Variants in SYNJ1 observed in about 807,000 individuals in gnomAD.
SYNJ1 encodes polyphosphatidylinositol phosphatase SYNJ1.
SYNJ1 carries 78 observed loss-of-function variants against 168.2 expected under a neutral mutation model. That is an observed-to-expected ratio of 0.46 (90% CI 0.39 to 0.56). The LOEUF is 0.56. Ranked by LOEUF, SYNJ1 falls within the 20% of genes least tolerant of loss-of-function variation. The probability of loss-of-function intolerance (pLI) is 0.00; values close to 1 mark genes in which losing one functional copy is unlikely to be tolerated. For synonymous variants in SYNJ1, 539 were observed against 548.6 expected (o/e 0.98, Z 0.24); for missense variants, 1,303 against 1,597.6 (o/e 0.82, Z 3.14).
chr21:32,662,249 G>A (rs943697253), intron 18 of SYNJ1, among the ~76,000 whole-genome samples: 3 of 152,092 alleles, frequency 2.0e-5, no homozygotes, highest in African/African-American at 7.2e-5. Flanking sequence ...ATCATCGTGG[G>A]ACTCATTTTC....
At chr21:32,646,295 C>T (rs773085803) in intron 24 of SYNJ1, 98 bp downstream of exon 24, 2 of 1,211,394 alleles carry the variant, frequency 1.7e-6, no homozygotes, top group Non-Finnish European at 2.4e-6. Context: ...AAACAGGGTG[C>T]ACTTTATCAC....
chr21:32,641,904 C>G lies in SYNJ1; in HGVS notation c.3580G>C (p.Ala1194Pro), dbSNP rs77164494. Reference protein sequence around the residue: ...AGPGPAGYSTARPTIPPRAGV... With the variant: ...AGPGPAGYSTPRPTIPPRAGV... The stretch of plus-strand genomic sequence containing the variant: ...GGCGAGGTTTTACCTACCGGTCTGG[C>G]TGTACTGTATCCAGCAGGTCCTGGG... The change falls in exon 29 of 33, where the codon GCC becomes CCC. Residue 1194 changes from alanine to proline, a missense_variant. Around this residue, in one of 2 missense-constraint regions of SYNJ1, gnomAD observed 383 missense variants for 388.8 expected, o/e 0.99. Transcript: ENST00000674351. The G allele has an allele frequency of 4.7e-5, 75 of 1,611,810 alleles. No homozygotes were observed. The African/African-American group carries it at 8.0e-4, about 17-fold the overall frequency.
chr21:32,694,242 G>T lies in SYNJ1; in HGVS notation c.775C>A (p.Gln259Lys). Residue 259 changes from glutamine (Q) to lysine (K), a missense_variant, in exon 6 of 33, where the codon CAA (glutamine) becomes AAA (lysine). Physicochemically the swap from Gln to Lys is moderately conservative, Grantham distance 53. Transcript: ENST00000674351. ...IRGSVPLFWEQPGLQVGSHRV... is the reference protein window; with the variant it reads ...IRGSVPLFWEKPGLQVGSHRV... ...CAAACACATACTTGCAACCCTGGTT[G>T]CTCCCAGAACAATGGAACAGATCCT... 2 of 1,537,308 alleles carry T rather than the reference G, an allele frequency of 1.3e-6. No homozygotes were observed. The highest frequency in any genetic ancestry group is 2.1e-5 in the Admixed American group (1 of 46,668).
intron 10 of SYNJ1, 128 bp from the exon 11 acceptor site, chr21:32,681,776 C>T (rs571017462): frequency 1.3e-6 from 1 of 767,936 alleles, no homozygotes; most frequent in Admixed American, 3.3e-5. Context: ...CTTCTGAAAA[C>T]ATAACAGTTT....
intron 1 of SYNJ1, 33 bp from the exon 2 acceptor site, chr21:32,726,950 G>C (rs1161633580): frequency 1.2e-6 from 2 of 1,608,640 alleles, no homozygotes; most frequent in South Asian, 1.1e-5. Context: ...AGCAAATGAA[G>C]CTGATGTTTC....
At chr21:32,713,555 T>G (rs1359893484) in intron 2 of SYNJ1, among the ~76,000 whole-genome samples, 2 of 144,332 alleles carry the variant, frequency 1.4e-5, no homozygotes, top group African/African-American at 5.2e-5. Flanking sequence ...CATAGATGAT[T>G]TCCCATATGT....
chr21:32,634,606 C>T (rs2039480264), intron 32 of SYNJ1, among the ~76,000 whole-genome samples: 1 of 152,112 alleles, frequency 6.6e-6, no homozygotes, highest in Non-Finnish European at 1.5e-5. Flanking sequence ...TGAAGTTACA[C>T]TTTTTAGTTT....
chr21:32,706,143 A>G (rs2042599607), intron 2 of SYNJ1, among the ~76,000 whole-genome samples: 1 of 152,186 alleles, frequency 6.6e-6, no homozygotes, highest in Non-Finnish European at 1.5e-5. Flanking sequence ...GACAGACCCA[A>G]AGTGAGGGAG....
rs1400090159 is a variant in SYNJ1 at position 32,665,974 on chromosome 21, A to C, written c.2114T>G (p.Ile705Arg). ...AAAACTCAATTTTCGTGCTATTTCT[A>C]TAAAATCTTCATTTCTTTCTTTGAC... is the stretch of plus-strand genomic sequence containing the variant. ...SQVKERNEDF[I>R]EIARKLSFPM... Residue 705 changes from isoleucine (I) to arginine (R), a missense_variant, in exon 17 of 33, where the codon ATA becomes AGA. This residue lies in a region of SYNJ1 where 920 missense variants were observed against 1,208.8 expected (regional missense o/e 0.76). Coordinates refer to ENST00000674351, the MANE Select transcript of SYNJ1 (RefSeq NM_203446.3). The C allele has an allele frequency of 6.2e-7, 1 of 1,612,254 alleles. No homozygotes were observed. The highest frequency in any genetic ancestry group is 2.2e-5 in the East Asian group (1 of 44,808).
At chr21:32,694,367 C>T (rs2042131465) in intron 5 of SYNJ1, 56 bp from the exon 6 acceptor site, 4 of 1,349,494 alleles carry the variant, frequency 3.0e-6, no homozygotes, top group African/African-American at 1.5e-5. Context: ...GTTACACTTA[C>T]ATTAGAAAAA....
chr21:32,640,485 T>C (rs1227662876), intron 29 of SYNJ1, among the ~76,000 whole-genome samples: 2 of 151,902 alleles, frequency 1.3e-5, no homozygotes, highest in African/African-American at 2.4e-5. Context: ...TTAGTACAGA[T>C]GGGGTTTCAC....
rs562554293 is a variant in SYNJ1, at chr21:32,651,668, T to C, written c.2875-1322A>G. 2.8e-4 allele frequency among the ~76,000 whole-genome samples: 43 copies of C among 152,296 alleles called. 2 individuals carry two copies. The East Asian group carries it at 7.7e-3, about 27-fold the overall frequency. ...ATTAAGATGTAATTCCTTAGGACTA[T>C]CCCCTTGGTAGAGACCAGGGCCAAA... On this transcript the variant is annotated intron_variant, in intron 22 of 32. Coordinates refer to ENST00000674351, the MANE Select transcript of SYNJ1 (RefSeq NM_203446.3).
chr21:32,638,813 TTAC>T, intron 31 of SYNJ1, 92 bp downstream of exon 31: 2 of 1,210,780 alleles, frequency 1.7e-6, no homozygotes, highest in Non-Finnish European at 2.3e-6. Flanking sequence ...GTATTTATTT[TTAC>T]TTCTTATAAC....
In SYNJ1 at chr21:32,630,939, TTC is replaced by T; in HGVS notation, c.*864_*865del. 1 of 1,508,146 alleles carries T rather than the reference TTC, an allele frequency of 6.6e-7. No individual in the cohort carries two copies. 93.4% of individuals were successfully genotyped at this position (1,508,146 alleles called of 1,614,324 possible). A position where few individuals can be genotyped will look rare whatever the true frequency, so the allele number is the denominator to read the frequency against. ...CACATAATGAAATACTAATGCCCAATTCTCTTAGCTCTATCCTGCCAAAAGCA... is the reference window on the plus strand; with the variant it reads ...CACATAATGAAATACTAATGCCCAATTCTTAGCTCTATCCTGCCAAAAGCA... On this transcript the variant is annotated 3_prime_UTR_variant, in exon 33 of 33. Transcript: ENST00000674351.
chr21:32,664,595 A>G (rs939904161), intron 18 of SYNJ1, among the ~76,000 whole-genome samples: 2 of 151,780 alleles, frequency 1.3e-5, no homozygotes, highest in African/African-American at 4.8e-5. Flanking sequence ...ACCCTCTCAC[A>G]TGGACTCCCT....
intron 2 of SYNJ1, among the ~76,000 whole-genome samples, chr21:32,720,004 C>T (rs555169372): frequency 3.1e-4 from 47 of 152,118 alleles, no homozygotes; most frequent in African/African-American, 9.6e-4. Flanking sequence ...CTTTGGAAGG[C>T]CGAGGTGGGC....
intron 24 of SYNJ1, among the ~76,000 whole-genome samples, 190 bp downstream of exon 24, chr21:32,646,203 T>C (rs926216311): frequency 1.3e-5 from 2 of 152,182 alleles, no homozygotes; most frequent in African/African-American, 2.4e-5. Context: ...TTAAGAACAA[T>C]TGTCATCTAG....
chr21:32,690,008 A>C (rs2041964714), intron 6 of SYNJ1, among the ~76,000 whole-genome samples: 1 of 152,230 alleles, frequency 6.6e-6, no homozygotes, highest in Non-Finnish European at 1.5e-5. Flanking sequence ...ATACAAGTTC[A>C]AAACTTAGCA....
intron 9 of SYNJ1, among the ~76,000 whole-genome samples, chr21:32,685,394 C>G (rs2041793799): frequency 7.7e-6 from 1 of 130,208 alleles, no homozygotes; most frequent in Non-Finnish European, 1.6e-5. Context: ...TGAGCCCAGC[C>G]AGGGCAATAC....
Sources: allele counts gnomAD v4.1 joint callset (sites outside exome capture counted in the v4.1 genomes callset), GRCh38; gene constraint gnomAD v4.1.1; regional missense constraint gnomAD v4.1.1; transcripts MANE v1.5; gene names NCBI Gene and HGNC (gene_info 2026-07-23, HGNC 2026-07-21).